LAMA2: variants seen among roughly 807,000 people sequenced by gnomAD.
LAMA2 encodes the protein laminin subunit alpha-2.
LAMA2 carries 269 observed loss-of-function variants against 364.8 expected under a neutral mutation model. The ratio of observed to expected loss-of-function variants is 0.74; its 90% CI spans 0.67 to 0.82. LAMA2 has a LOEUF of 0.82. Among genes scored for constraint, LAMA2 ranks in the 40% least tolerant of loss-of-function variants. The probability of loss-of-function intolerance (pLI) is 0.00; values close to 1 mark genes in which losing one functional copy is unlikely to be tolerated. For synonymous variants in LAMA2, 1,379 were observed against 1,370.6 expected (o/e 1.01, Z -0.14); for missense variants, 3,807 against 3,873.2 (o/e 0.98, Z 0.45).
intron 10 of LAMA2, among the ~76,000 whole-genome samples, chr6:129,188,698 G>T (rs1781367606): frequency 6.6e-6 from 1 of 151,850 alleles, no homozygotes; most frequent in Non-Finnish European, 1.5e-5. Context: ...CAAATCTTGG[G>T]GCAGTGCTTA....
At chr6:129,464,179 G>T (rs1276745068) in intron 49 of LAMA2, 111 bp from the exon 50 acceptor site, 2 of 925,288 alleles carry the variant, frequency 2.2e-6, no homozygotes, top group Non-Finnish European at 3.5e-6. Flanking sequence ...TGTATTTAGG[G>T]TATTTCCTGC....
At chr6:129,334,218 T>A (rs1775817835) in intron 29 of LAMA2, among the ~76,000 whole-genome samples, 1 of 152,232 alleles carries the variant, frequency 6.6e-6, no homozygotes, top group Non-Finnish European at 1.5e-5. Flanking sequence ...TGCAATGCCC[T>A]CTACCTTGGT....
At chr6:129,336,562 A>T (rs1293784708) in intron 29 of LAMA2, among the ~76,000 whole-genome samples, 1 of 152,214 alleles carries the variant, frequency 6.6e-6, no homozygotes, top group Non-Finnish European at 1.5e-5. Context: ...GATAGACAAG[A>T]TTATTTCTTC....
chr6:129,200,274 GTATA>G (rs147216290), intron 12 of LAMA2, among the ~76,000 whole-genome samples: 1 of 86,184 alleles, frequency 1.2e-5, no homozygotes, highest in East Asian at 2.9e-4. Context: ...ATATACATGT[GTATA>G]TATATACGTG....
intron 1 of LAMA2, among the ~76,000 whole-genome samples, chr6:128,978,752 A>G (rs1392672447): frequency 1.3e-5 from 2 of 152,236 alleles, no homozygotes; most frequent in Non-Finnish European, 2.9e-5. Flanking sequence ...TGTGATCTAC[A>G]AGATAGACAG....
intron 1 of LAMA2, among the ~76,000 whole-genome samples, chr6:128,894,153 C>T (rs1002281293): frequency 7.2e-5 from 11 of 152,156 alleles, no homozygotes; most frequent in East Asian, 1.9e-4. Context: ...TATTTTTGTA[C>T]GCTTTTATAT....
At chr6:129,313,214 G>T (rs913363810) in intron 23 of LAMA2, 117 bp downstream of exon 23, 25 of 659,608 alleles carry the variant, frequency 3.8e-5, no homozygotes, top group Non-Finnish European at 6.3e-5. Context: ...CAAACAGATG[G>T]ACAAAATCTC....
chr6:129,463,651 T>C (rs1191093678), intron 49 of LAMA2, among the ~76,000 whole-genome samples: 2 of 152,080 alleles, frequency 1.3e-5, no homozygotes, highest in Non-Finnish European at 2.9e-5. Flanking sequence ...AAACATATAT[T>C]CTCTGTGAGG....
intron 2 of LAMA2, among the ~76,000 whole-genome samples, chr6:129,056,137 A>G (rs1235343003): frequency 1.3e-5 from 2 of 152,224 alleles, no homozygotes; most frequent in Non-Finnish European, 2.9e-5. Flanking sequence ...ATCACATATT[A>G]AACGCACAAT....
chr6:129,294,759 A>G (rs1180887402), intron 20 of LAMA2, among the ~76,000 whole-genome samples: 1 of 152,180 alleles, frequency 6.6e-6, no homozygotes, highest in East Asian at 1.9e-4. Flanking sequence ...AGGCGCCTCC[A>G]AGGCTGTCTC....
At chr6:129,160,841 A>C (rs976953696) in intron 8 of LAMA2, among the ~76,000 whole-genome samples, 8 of 151,858 alleles carry the variant, frequency 5.3e-5, no homozygotes, top group Non-Finnish European at 1.5e-5. Context: ...GAGCTTTATT[A>C]AATATTATAT....
chr6:129,318,043 A>G (rs554625308), intron 27 of LAMA2, among the ~76,000 whole-genome samples: 1 of 152,284 alleles, frequency 6.6e-6, no homozygotes, highest in Admixed American at 6.5e-5. Context: ...CTGGGGTCAT[A>G]GTCTCACAAT....
intron 4 of LAMA2, among the ~76,000 whole-genome samples, chr6:129,102,561 A>G (rs1775580129): frequency 6.6e-6 from 1 of 152,206 alleles, no homozygotes; most frequent in Non-Finnish European, 1.5e-5. Context: ...CTCCTTGAGC[A>G]TAAAGTAAAA....
intron 40 of LAMA2, among the ~76,000 whole-genome samples, chr6:129,408,803 C>T (rs1268227222): frequency 6.6e-6 from 1 of 152,154 alleles, no homozygotes; most frequent in African/African-American, 2.4e-5. Flanking sequence ...TGTTCATGAG[C>T]CCATTGAGCG....
At chr6:129,118,910 T>C (rs1776635783) in intron 4 of LAMA2, among the ~76,000 whole-genome samples, 1 of 152,210 alleles carries the variant, frequency 6.6e-6, no homozygotes, top group Admixed American at 6.5e-5. Context: ...GTCTGAAAAC[T>C]TTTTAAGGGG....
At chr6:129,325,987 G>A (rs1327088395) in intron 28 of LAMA2, among the ~76,000 whole-genome samples, 2 of 151,976 alleles carry the variant, frequency 1.3e-5, no homozygotes, top group African/African-American at 4.8e-5. Context: ...CTACAGACAC[G>A]CATCACCACG....
intron 63 of LAMA2, among the ~76,000 whole-genome samples, chr6:129,512,925 A>C (rs1463085039): frequency 6.6e-6 from 1 of 152,190 alleles, no homozygotes; most frequent in Non-Finnish European, 1.5e-5. Flanking sequence ...AAGGTAGCCA[A>C]CTGACGCATC....
At chr6:129,391,738 TAAGTAA>T (rs762150596) in intron 36 of LAMA2, 85 bp downstream of exon 36, 172 of 1,173,130 alleles carry the variant, frequency 1.5e-4, no homozygotes, top group Non-Finnish European at 1.9e-4. Context: ...ATCACACGTA[TAAGTAA>T]AAGATGCTTT....
At chr6:129,439,842 ATATATATC>A (rs1463768502) in intron 42 of LAMA2, among the ~76,000 whole-genome samples, 5 of 140,154 alleles carry the variant, frequency 3.6e-5, no homozygotes, top group African/African-American at 1.2e-4. Flanking sequence ...ATATATATAT[ATATATATC>A]TATCTCAATT....
Sources: allele counts gnomAD v4.1 joint callset (sites outside exome capture counted in the v4.1 genomes callset), GRCh38; gene constraint gnomAD v4.1.1; transcripts MANE v1.5; gene names NCBI Gene and HGNC (gene_info 2026-07-23, HGNC 2026-07-21).